The following MUC13 variants were observed in gnomAD, a reference collection of about 807,000 sequenced individuals.
MUC13 encodes mucin-13.
Under a neutral mutation model 48.3 loss-of-function variants are expected in MUC13, and 32 were observed. The ratio of observed to expected loss-of-function variants is 0.66; its 90% CI spans 0.50 to 0.89. MUC13 has a LOEUF of 0.89. Ranked by LOEUF, MUC13 falls within the 40% of genes least tolerant of loss-of-function variation. The probability of loss-of-function intolerance (pLI) is 0.00; values close to 1 mark genes in which losing one functional copy is unlikely to be tolerated. For synonymous variants in MUC13, 199 were observed against 224.9 expected (o/e 0.88, Z 1.03); for missense variants, 571 against 622.8 (o/e 0.92, Z 0.88).
chr3:124,908,856 C>A (rs1935368787), intron 10 of MUC13, among the ~76,000 whole-genome samples: 2 of 152,126 alleles, frequency 1.3e-5, no homozygotes, highest in Admixed American at 6.5e-5. Flanking sequence ...AAAACAAGTT[C>A]AAAGACTTGA....
chr3:124,921,915 G>A (rs1016553680), intron 4 of MUC13, among the ~76,000 whole-genome samples: 2 of 152,206 alleles, frequency 1.3e-5, no homozygotes, highest in African/African-American at 2.4e-5. Flanking sequence ...GCCAGCTTCT[G>A]CAGGCCCTCT....
chr3:124,918,318 G>C (rs2107670084), intron 5 of MUC13, among the ~76,000 whole-genome samples: 1 of 152,294 alleles, frequency 6.6e-6, no homozygotes, highest in Middle Eastern at 3.4e-3. Context: ...CCCTGAGGTG[G>C]GGGAAGTAGT....
chr3:124,916,315 A>T lies in MUC13; in HGVS notation c.964+2T>A. On this transcript the variant is annotated splice_donor_variant, in intron 6 of 11. Coordinates refer to ENST00000616727, the MANE Select transcript of MUC13 (RefSeq NM_033049.4). LOFTEE classifies it high-confidence loss of function. ...CTTTGAATAAAATTATACAATACTT[A>T]CAATCATAGTTTAGAAAGTTGCTTG... The T allele has an allele frequency of 6.2e-7, 1 of 1,606,862 alleles. No homozygotes were observed. Among genetic ancestry groups the T allele is most frequent in the Non-Finnish European group, 8.5e-7 (1 of 1,176,444 alleles).
At chr3:124,930,023 T>C (rs1935767057) in intron 1 of MUC13, among the ~76,000 whole-genome samples, 1 of 152,238 alleles carries the variant, frequency 6.6e-6, no homozygotes, top group Non-Finnish European at 1.5e-5. Flanking sequence ...TGGAAAACTC[T>C]GGACAGAAGA....
chr3:124,923,122 C>CT (rs1415407224), intron 3 of MUC13, among the ~76,000 whole-genome samples: 2 of 138,440 alleles, frequency 1.4e-5, no homozygotes, highest in African/African-American at 5.3e-5. Flanking sequence ...AAAAACAGAA[C>CT]TCAGACAGTC....
At chr3:124,933,478 A>G (rs1001538484) in intron 1 of MUC13, among the ~76,000 whole-genome samples, 1 of 152,124 alleles carries the variant, frequency 6.6e-6, no homozygotes, top group African/African-American at 2.4e-5. Flanking sequence ...GAAGGAAACC[A>G]CCCCTGAGCT....
At chr3:124,934,588 T>C (rs1039775382) in intron 1 of MUC13, 73 bp downstream of exon 1, 4 of 1,028,160 alleles carry the variant, frequency 3.9e-6, no homozygotes, top group Middle Eastern at 2.8e-4. Flanking sequence ...AATTGGTAGC[T>C]ATAGGCCTGC....
At position 124,916,421 on chromosome 3, in the gene MUC13, A is replaced by G. The variant is rs1935512258; in HGVS notation, c.860T>C (p.Ile287Thr). 6.2e-7 allele frequency: 1 copy of G among 1,613,654 alleles called. No homozygotes were observed. Among genetic ancestry groups the G allele is most frequent in the Admixed American group, 1.7e-5 (1 of 59,990 alleles). Reference protein sequence around the residue: ...RADDKFVNVTIVTILAETTSD... With the variant: ...RADDKFVNVTTVTILAETTSD... ...TGTGGTTTCTGCCAAAATTGTTACTATTGTTACATTAACAAACTTGTCATC... is the reference window on the plus strand; with the variant it reads ...TGTGGTTTCTGCCAAAATTGTTACTGTTGTTACATTAACAAACTTGTCATC... Residue 287 changes from isoleucine (I) to threonine (T), a missense_variant, in exon 6 of 12, where the codon ATA becomes ACA. Transcript: ENST00000616727.
At chr3:124,908,967 A>AC (rs1355791553) in intron 10 of MUC13, among the ~76,000 whole-genome samples, 6 of 152,090 alleles carry the variant, frequency 3.9e-5, no homozygotes, top group Non-Finnish European at 8.8e-5. Context: ...CAGCCTGGCT[A>AC]ACATGGTGAA....
rs1360011585 is a variant in MUC13, at chr3:124,920,255, T to C, written c.779A>G (p.Gln260Arg). The C allele has an allele frequency of 1.2e-6, 2 of 1,607,240 alleles. No homozygotes were observed. Among genetic ancestry groups the C allele is most frequent in the Non-Finnish European group, 1.7e-6 (2 of 1,176,018 alleles). The change falls in exon 5 of 12, where the codon CAG becomes CGG. Residue 260 changes from glutamine to arginine, a missense_variant. Transcript: ENST00000616727. Reference sequence around the variant, plus strand: ...TTACCTTACAGTAAGAATTACAGTCTGTCCATAAACAGATGTGCCAAATAC... The same window carrying C: ...TTACCTTACAGTAAGAATTACAGTCCGTCCATAAACAGATGTGCCAAATAC... The part of the protein sequence containing the change: ...KDVFGTSVYG[Q>R]TVILTVSTSL...
chr3:124,917,319 G>C (rs1210254471), intron 5 of MUC13, among the ~76,000 whole-genome samples: 1 of 150,944 alleles, frequency 6.6e-6, no homozygotes, highest in Non-Finnish European at 1.5e-5. Context: ...TATTTTTGTT[G>C]TCTAAATGTT....
chr3:124,913,263 G>A lies in MUC13; in HGVS notation c.1085-23C>T, dbSNP rs754632577. On this transcript the variant is annotated intron_variant, in intron 7 of 11. Coordinates refer to ENST00000616727, the MANE Select transcript of MUC13 (RefSeq NM_033049.4). ...AAGCTTCAAAACAGAATGATTTCTG[G>A]GTAATTTTCAGAAACAATCTCTTTA... 11 of 1,594,254 alleles carry A rather than the reference G, an allele frequency of 6.9e-6. No individual in the cohort carries two copies. In the East Asian group the frequency reaches 2.3e-4, roughly 33 times the overall value.
At chr3:124,934,324 A>T (rs1395023332) in intron 1 of MUC13, among the ~76,000 whole-genome samples, 4 of 152,050 alleles carry the variant, frequency 2.6e-5, no homozygotes, top group Non-Finnish European at 4.4e-5. Flanking sequence ...CACCTGGCTA[A>T]TTTTTTTGTA....
In MUC13 at chr3:124,913,695, A is replaced by G. The variant is rs1177786520; in HGVS notation, c.965-14T>C. Reference sequence around the variant, plus strand: ...ACCGAAGGGTCACTGAGAAGCACAAATAGTTTAAAAATATATTCAGCATGA... The same window carrying G: ...ACCGAAGGGTCACTGAGAAGCACAAGTAGTTTAAAAATATATTCAGCATGA... On this transcript the variant is annotated splice_polypyrimidine_tract_variant and intron_variant, in intron 6 of 11. Coordinates refer to ENST00000616727, the MANE Select transcript of MUC13 (RefSeq NM_033049.4). The G allele has an allele frequency of 1.2e-6, 2 of 1,614,070 alleles. No homozygotes were observed. Among genetic ancestry groups the G allele is most frequent in the East Asian group, 4.5e-5 (2 of 44,892 alleles).
At chr3:124,934,297 A>G (rs1256603380) in intron 1 of MUC13, among the ~76,000 whole-genome samples, 2 of 152,086 alleles carry the variant, frequency 1.3e-5, no homozygotes, top group Non-Finnish European at 2.9e-5. Flanking sequence ...AGCTGAGACT[A>G]CAGGTGCCCA....
At chr3:124,909,128 T>A (rs1935373577) in intron 10 of MUC13, among the ~76,000 whole-genome samples, 1 of 151,486 alleles carries the variant, frequency 6.6e-6, no homozygotes, top group South Asian at 2.1e-4. Context: ...CACTCCAGCC[T>A]GGGCGACAGA....
Position 124,908,315 on chromosome 3 carries a change from C to A in MUC13, c.1371G>T (p.Glu457Asp). The A allele has an allele frequency of 1.2e-6, 2 of 1,614,168 alleles. No individual in the cohort carries two copies. The highest frequency in any genetic ancestry group is 2.2e-5 in the South Asian group (2 of 91,080). ...TTTGAAAGTCTTCGTCAATCAAGTT[C>A]TCTTCTTCAATATGCTTCGTTTTGT... is the stretch of plus-strand genomic sequence containing the variant. ...SNNKTKHIEE[E>D]NLIDEDFQNL... The change falls in exon 11 of 12, where the codon GAG (glutamate) becomes GAT (aspartate). Residue 457 changes from glutamate to aspartate, a missense_variant. Glu to Asp is a conservative substitution (Grantham distance 45). Transcript: ENST00000616727.
intron 9 of MUC13, among the ~76,000 whole-genome samples, chr3:124,911,035 C>T (rs955359416): frequency 6.6e-6 from 1 of 152,192 alleles, no homozygotes; most frequent in African/African-American, 2.4e-5. Context: ...CACAATGTAA[C>T]AGACACACCA....
chr3:124,933,186 C>G (rs1269337297), intron 1 of MUC13, among the ~76,000 whole-genome samples: 1 of 152,158 alleles, frequency 6.6e-6, no homozygotes, highest in Admixed American at 6.5e-5. Context: ...AATCCTGATG[C>G]CATTCATTCC....
Sources: gnomAD v4.1 joint callset for allele counts (sites outside exome capture counted in the v4.1 genomes callset) on GRCh38, gnomAD v4.1.1 for gene constraint, MANE v1.5 for transcripts, NCBI Gene and HGNC (gene_info 2026-07-23, HGNC 2026-07-21) for gene names.